The following CAMTA1 variants were observed in gnomAD, a reference collection of about 807,000 sequenced individuals.
The protein encoded by CAMTA1 is calmodulin-binding transcription activator 1.
A neutral mutation model predicts 170.9 loss-of-function variants in CAMTA1; 27 were observed. That is an observed-to-expected ratio of 0.16 (90% CI 0.12 to 0.22). CAMTA1 has a LOEUF of 0.22. CAMTA1 is among the 10% of genes least tolerant of loss of function. The pLI, the probability that CAMTA1 is intolerant of heterozygous loss-of-function variation, is 1.00. For missense variants in CAMTA1, 1,619 were observed against 2,217.2 expected, an observed-to-expected ratio of 0.73 and a Z score of 5.42; for synonymous variants, 833 against 891.5, an observed-to-expected ratio of 0.93 and a Z score of 1.17.
At chr1:7,104,245 CA>C (rs758570630) in intron 4 of CAMTA1, among the ~76,000 whole-genome samples, 3 of 120,076 alleles carry the variant, frequency 2.5e-5, no homozygotes, top group African/African-American at 3.4e-5. Context: ...CGTGTACACA[CA>C]ACACACATAC....
Position 7,665,040 on chromosome 1 carries a change from G to A in CAMTA1, c.2493G>A (p.Leu831=), listed in dbSNP as rs1250039569. The A allele has an allele frequency of 6.3e-7, 1 of 1,581,776 alleles. No individual in the cohort carries two copies. Among genetic ancestry groups the A allele is most frequent in the East Asian group, 2.2e-5 (1 of 44,530 alleles). ...GCTGTAGCCCCCAGCAGGGTAGCCT[G>A]CAGCTGAGCAGCTCGGAGGGCGGGG... The part of the protein sequence containing the change: ...LPCCSPQQGS[L]QLSSSEGGAS... The change falls in exon 9 of 23, where the codon CTG becomes CTA. Residue 831 remains leucine, a synonymous_variant. Transcript: ENST00000303635. The surrounding 1 kb of genome is among the most constrained non-coding windows in gnomAD (Gnocchi z 4.3).
chr1:7,706,379 G>A (rs116755658), intron 11 of CAMTA1, among the ~76,000 whole-genome samples: 47 of 152,330 alleles, frequency 3.1e-4, no homozygotes, highest in East Asian at 9.6e-4. Context: ...TCGATAAAAT[G>A]TCTGGCTATT....
chr1:7,496,104 C>T (rs1485001837), intron 6 of CAMTA1, among the ~76,000 whole-genome samples: 1 of 152,230 alleles, frequency 6.6e-6, no homozygotes, highest in African/African-American at 2.4e-5. Context: ...GCCGCCAGGA[C>T]CCAGAGGGCC....
intron 4 of CAMTA1, among the ~76,000 whole-genome samples, chr1:7,131,612 C>T (rs1645260300): frequency 6.6e-6 from 1 of 151,662 alleles, no homozygotes; most frequent in South Asian, 2.1e-4. Flanking sequence ...ATTGCCTTGG[C>T]CCCTTCACTG....
At chr1:7,539,708 T>C (rs1039365244) in intron 6 of CAMTA1, among the ~76,000 whole-genome samples, 1 of 152,230 alleles carries the variant, frequency 6.6e-6, no homozygotes, top group Admixed American at 6.5e-5. Context: ...TGGTGGAGTC[T>C]GCCCACCTCC....
chr1:6,874,848 G>A (rs1313091809), intron 3 of CAMTA1, among the ~76,000 whole-genome samples: 3 of 152,120 alleles, frequency 2.0e-5, no homozygotes, highest in African/African-American at 4.8e-5. Context: ...CGCTTGGTAA[G>A]GTGTCTAGGG....
In CAMTA1 at chr1:7,126,668, C is replaced by G. The variant is rs144849372; in HGVS notation, c.302+35297C>G. Among the ~76,000 whole-genome samples, 601 of 152,288 alleles carry G rather than the reference C, an allele frequency of 3.9e-3. 4 individuals carry two copies. The highest frequency in any genetic ancestry group is 0.014 in the African/African-American group (577 of 41,562). On this transcript the variant is annotated intron_variant, in intron 4 of 22. Coordinates refer to ENST00000303635, the MANE Select transcript of CAMTA1 (RefSeq NM_015215.4). ...ACTATGCTTTTAACATTTTGTTTTT[C>G]CTAGTAGCTGAAGATCCAACCAATG...
chr1:6,898,380 C>T (rs1279541182), intron 3 of CAMTA1, among the ~76,000 whole-genome samples: 13 of 152,036 alleles, frequency 8.6e-5, no homozygotes, highest in Admixed American at 2.0e-4. Context: ...GGTGAAACCC[C>T]GTCTCTACTA....
intron 1 of CAMTA1, among the ~76,000 whole-genome samples, chr1:6,787,045 A>G (rs1639613909): frequency 6.6e-6 from 1 of 152,230 alleles, no homozygotes; most frequent in African/African-American, 2.4e-5. Flanking sequence ...TGTCCGTCCC[A>G]CACTCAAGAG....
chr1:7,241,560 C>A (rs1574134657), intron 4 of CAMTA1, among the ~76,000 whole-genome samples: 1 of 152,132 alleles, frequency 6.6e-6, no homozygotes, highest in Admixed American at 6.5e-5. Flanking sequence ...TATTATAAAG[C>A]TGCTACAATC....
chr1:6,883,462 G>A (rs1397293925), intron 3 of CAMTA1, among the ~76,000 whole-genome samples: 2 of 152,106 alleles, frequency 1.3e-5, no homozygotes, highest in African/African-American at 4.8e-5. Context: ...GAGAGGGCAG[G>A]GAGTTGGATT....
chr1:7,134,055 A>T (rs1451044003), intron 4 of CAMTA1, among the ~76,000 whole-genome samples: 1 of 151,676 alleles, frequency 6.6e-6, no homozygotes, highest in Non-Finnish European at 1.5e-5. Flanking sequence ...TCCCTCCCTG[A>T]CTCCCCCCAG....
chr1:7,370,579 G>A (rs1305042825), intron 5 of CAMTA1, among the ~76,000 whole-genome samples: 1 of 152,196 alleles, frequency 6.6e-6, no homozygotes, highest in Non-Finnish European at 1.5e-5. Flanking sequence ...ATGTTCCACA[G>A]ACTCTTATTT....
At chr1:6,845,710 A>G (rs998287213) in intron 3 of CAMTA1, among the ~76,000 whole-genome samples, 1 of 152,256 alleles carries the variant, frequency 6.6e-6, no homozygotes, top group African/African-American at 2.4e-5. Context: ...ATGTTACTCT[A>G]CACTGCTATT....
chr1:7,473,579 GCATGCCCCCAGGGA>G (rs1160626507), intron 6 of CAMTA1, among the ~76,000 whole-genome samples: 1 of 152,226 alleles, frequency 6.6e-6, no homozygotes, highest in East Asian at 1.9e-4. Context: ...CTCAGCCCAG[GCATGCCCCCAGGGA>G]GTCCTCCCTT....
rs556893821 is a variant in CAMTA1 at position 7,217,439 on chromosome 1, A to G, written c.303-32052A>G. On this transcript the variant is annotated intron_variant, in intron 4 of 22. Coordinates refer to ENST00000303635, the MANE Select transcript of CAMTA1 (RefSeq NM_015215.4). ...TTTTAAAAGTATGCCTCTTATATAT[A>G]ACATATAGTTGGATCTTTCTTTTTA... 3.9e-5 allele frequency among the ~76,000 whole-genome samples: 6 copies of G among 152,298 alleles called. No individual in the cohort carries two copies. The South Asian group carries it at 1.2e-3, about 32-fold the overall frequency.
chr1:6,927,529 G>A (rs931478229), intron 3 of CAMTA1, among the ~76,000 whole-genome samples: 1 of 152,168 alleles, frequency 6.6e-6, no homozygotes, highest in Admixed American at 6.5e-5. Flanking sequence ...TGCCTATCAG[G>A]CACTGGACAA....
rs577717586 is a variant in CAMTA1, at chr1:7,734,199, G to A, written c.3066+1600G>A. On this transcript the variant is annotated intron_variant, in intron 12 of 22. Coordinates refer to ENST00000303635, the MANE Select transcript of CAMTA1 (RefSeq NM_015215.4). The stretch of plus-strand genomic sequence containing the variant: ...CAACCTCAGGTGATCCGCCTGCCTC[G>A]GCCTCCCAAAGTGCTGGGATTACAG... Among the ~76,000 whole-genome samples, 6 of 152,212 alleles carry A rather than the reference G, an allele frequency of 3.9e-5. No individual in the cohort carries two copies. In the East Asian group the frequency reaches 5.8e-4, roughly 15 times the overall value.
intron 6 of CAMTA1, among the ~76,000 whole-genome samples, chr1:7,595,570 T>G (rs1040181707): frequency 2.0e-5 from 3 of 152,168 alleles, no homozygotes; most frequent in African/African-American, 7.2e-5. Flanking sequence ...GGGGATGCCC[T>G]GCACAGGCCA....
Sources: gnomAD v4.1 joint callset for allele counts (sites outside exome capture counted in the v4.1 genomes callset) on GRCh38, gnomAD v4.1.1 for gene constraint, Gnocchi (gnomAD v3.1) non-coding constraint, MANE v1.5 for transcripts, NCBI Gene and HGNC (gene_info 2026-07-23, HGNC 2026-07-21) for gene names.